Variants in CACNG5 observed in about 807,000 individuals in gnomAD.
CACNG5 encodes voltage-dependent calcium channel gamma-5 subunit.
CACNG5 carries 18 observed loss-of-function variants against 24.8 expected under a neutral mutation model. The observed-to-expected ratio is 0.73, with a 90% CI of 0.50 to 1.08. The LOEUF (loss-of-function observed/expected upper bound fraction) is 1.08. Among genes scored for constraint, CACNG5 ranks in the 50% least tolerant of loss-of-function variants. The pLI is 0.00. For missense variants in CACNG5, 349 were observed against 367.9 expected, an observed-to-expected ratio of 0.95 and a Z score of 0.42; for synonymous variants, 157 against 149.1, an observed-to-expected ratio of 1.05 and a Z score of -0.39.
intron 1 of CACNG5, among the ~76,000 whole-genome samples, chr17:66,862,892 C>CTCTCTCTCTGTG (rs567913804): frequency 2.0e-4 from 29 of 142,260 alleles, no homozygotes; most frequent in African/African-American, 6.9e-4. Flanking sequence ...AGCATATTCT[C>CTCTCTCTCTGTG]TGTGTGTGTG....
At position 66,862,892 on chromosome 17, in the gene CACNG5, CTGTGTGTGTGTG is replaced by C. The variant is rs56308917; in HGVS notation, c.-103-14302_-103-14291del. Among the ~76,000 whole-genome samples the C allele has an allele frequency of 1.0e-3, 146 of 142,204 alleles. 1 individual carries two copies. The highest frequency in any genetic ancestry group is 2.9e-3 in the Admixed American group (41 of 14,210). 93.3% of individuals were successfully genotyped at this position (142,204 alleles called of 152,430 possible). A position where few individuals can be genotyped will look rare whatever the true frequency, so the allele number is the denominator to read the frequency against. On this transcript the variant is annotated intron_variant, in intron 1 of 5. Transcript: ENST00000533854. ...ACAACCTTGTCTGCCAGCATATTCT[CTGTGTGTGTGTG>C]TGTGTGTGTGTGTGTGTGTGTGTGT...
intron 4 of CACNG5, among the ~76,000 whole-genome samples, chr17:66,883,772 C>T (rs1300218325): frequency 6.6e-6 from 1 of 152,244 alleles, no homozygotes; most frequent in Non-Finnish European, 1.5e-5. Flanking sequence ...TATCTCTGCC[C>T]ATGGGGCGTA....
At chr17:66,882,772 G>T (rs1977179815) in intron 4 of CACNG5, among the ~76,000 whole-genome samples, 1 of 150,924 alleles carries the variant, frequency 6.6e-6, no homozygotes, top group Non-Finnish European at 1.5e-5. Context: ...TGGATGGGCG[G>T]ATGGGAAGAA....
chr17:66,854,832 T>A (rs1347436494), intron 1 of CACNG5, among the ~76,000 whole-genome samples: 2 of 144,310 alleles, frequency 1.4e-5, no homozygotes, highest in Non-Finnish European at 1.5e-5. Context: ...AAGAATCCAA[T>A]AGAAAAAAAA....
chr17:66,857,824 A>G (rs558552770), intron 1 of CACNG5, among the ~76,000 whole-genome samples: 6 of 152,322 alleles, frequency 3.9e-5, no homozygotes, highest in Non-Finnish European at 7.4e-5. Flanking sequence ...TGAGAGTTTT[A>G]CAAAACACTA....
At chr17:66,871,444 T>C (rs1345840415) in intron 1 of CACNG5, among the ~76,000 whole-genome samples, 3 of 152,212 alleles carry the variant, frequency 2.0e-5, no homozygotes, top group East Asian at 1.9e-4. Context: ...TTCCCAGCAA[T>C]TGATAACTGG....
chr17:66,848,766 C>T (rs1042071279), intron 1 of CACNG5, among the ~76,000 whole-genome samples: 2 of 152,146 alleles, frequency 1.3e-5, no homozygotes, highest in African/African-American at 4.8e-5. Context: ...TGAGCAGACC[C>T]CAGCGCTGGA....
chr17:66,894,297 A>C lies in CACNG5; in HGVS notation c.*9057A>C, dbSNP rs1977384432. 6.6e-6 allele frequency among the ~76,000 whole-genome samples: 1 copy of C among 152,160 alleles called. No individual in the cohort carries two copies. Among genetic ancestry groups the C allele is most frequent in the East Asian group, 1.9e-4 (1 of 5,188 alleles). ...CATCCTTCCTCAGTGGATCCTTAGA[A>C]ACTCAATGGTGGGCTTTTTTGCCTG... is the stretch of plus-strand genomic sequence containing the variant. On this transcript the variant is annotated 3_prime_UTR_variant, in exon 6 of 6. Coordinates refer to ENST00000533854, the MANE Select transcript of CACNG5 (RefSeq NM_145811.3).
rs192102585 is a variant in CACNG5 at position 66,845,228 on chromosome 17, C to T, written c.-104+9978C>T. On this transcript the variant is annotated intron_variant, in intron 1 of 5. Transcript: ENST00000533854. The stretch of plus-strand genomic sequence containing the variant: ...AACACCGCATGTTCTCACTCATAAG[C>T]GGGAGTTGAACAATGAGAACACATG... 2.4e-3 allele frequency among the ~76,000 whole-genome samples: 372 copies of T among 152,048 alleles called. 1 individual carries two copies. The highest frequency in any genetic ancestry group is 4.4e-3 in the Non-Finnish European group (297 of 67,990).
intron 1 of CACNG5, among the ~76,000 whole-genome samples, chr17:66,842,058 A>AG (rs970831934): frequency 3.3e-5 from 5 of 150,220 alleles, no homozygotes; most frequent in Admixed American, 2.0e-4. Flanking sequence ...AGTGAGGTTT[A>AG]GGGGGGCTTC....
At chr17:66,847,467 G>A (rs139039856) in intron 1 of CACNG5, among the ~76,000 whole-genome samples, 2,009 of 152,292 alleles carry the variant, frequency 0.013, 47 homozygotes, top group African/African-American at 0.046. Context: ...GCAAGAGAGT[G>A]TGTGCAGGGG....
rs1977266949 is a variant in CACNG5, at chr17:66,886,740, G to T, written c.*1500G>T. Among the ~76,000 whole-genome samples the T allele has an allele frequency of 6.6e-6, 1 of 152,214 alleles. No homozygotes were observed. The highest frequency in any genetic ancestry group is 1.5e-5 in the Non-Finnish European group (1 of 68,032). On this transcript the variant is annotated 3_prime_UTR_variant, in exon 6 of 6. Transcript: ENST00000533854. ...CCTTGGAGAGGCGGTGTGTCAGGCAGCCGGGCTGCCGCAATGAACTACCAC... is the reference window on the plus strand; with the variant it reads ...CCTTGGAGAGGCGGTGTGTCAGGCATCCGGGCTGCCGCAATGAACTACCAC...
chr17:66,858,814 T>C (rs1347420684), intron 1 of CACNG5, among the ~76,000 whole-genome samples: 1 of 152,112 alleles, frequency 6.6e-6, no homozygotes, highest in Non-Finnish European at 1.5e-5. Context: ...TAACCACTCT[T>C]TAAAGTGACT....
intron 1 of CACNG5, among the ~76,000 whole-genome samples, chr17:66,838,810 G>A (rs925816657): frequency 6.6e-6 from 1 of 151,942 alleles, no homozygotes; most frequent in Non-Finnish European, 1.5e-5. Flanking sequence ...TCTAAGTAAT[G>A]GGGATACGAC....
At chr17:66,836,620 G>A (rs1488665322) in intron 1 of CACNG5, among the ~76,000 whole-genome samples, 1 of 152,170 alleles carries the variant, frequency 6.6e-6, no homozygotes, top group Non-Finnish European at 1.5e-5. Flanking sequence ...GAGGTAGCTG[G>A]GGGACACCTC....
rs139741749 is a variant in CACNG5, at chr17:66,882,339, G to A, written c.424+1642G>A. On this transcript the variant is annotated intron_variant, in intron 4 of 5. Transcript: ENST00000533854. The stretch of plus-strand genomic sequence containing the variant: ...ATGAGTTTAGTGTGGGAAATGCTGA[G>A]TTTGAGGTGTCCTTATGACATCTGG... Among the ~76,000 whole-genome samples, 6 of 152,282 alleles carry A rather than the reference G, an allele frequency of 3.9e-5. No homozygotes were observed. In the East Asian group the frequency reaches 9.7e-4, roughly 25 times the overall value.
At chr17:66,852,549 A>G (rs1299386422) in intron 1 of CACNG5, among the ~76,000 whole-genome samples, 1 of 152,206 alleles carries the variant, frequency 6.6e-6, no homozygotes, top group Non-Finnish European at 1.5e-5. Flanking sequence ...GTTTTATGCA[A>G]ACTTATTTAG....
intron 1 of CACNG5, among the ~76,000 whole-genome samples, chr17:66,872,997 G>A (rs1977030839): frequency 6.6e-6 from 1 of 152,176 alleles, no homozygotes. Flanking sequence ...GCGAGATGAT[G>A]TAGTCCAAGC....
intron 1 of CACNG5, among the ~76,000 whole-genome samples, chr17:66,847,447 A>G (rs895221405): frequency 5.9e-5 from 9 of 152,296 alleles, no homozygotes; most frequent in African/African-American, 1.7e-4. Context: ...CACATCTTAC[A>G]TGGCAGCAGG....
Sources: gnomAD v4.1 joint callset for allele counts (sites outside exome capture counted in the v4.1 genomes callset) on GRCh38, gnomAD v4.1.1 for gene constraint, MANE v1.5 for transcripts, NCBI Gene and HGNC (gene_info 2026-07-23, HGNC 2026-07-21) for gene names.